Variants in ABCC3 observed in about 807,000 individuals in gnomAD.
ABCC3 encodes the protein ATP binding cassette subfamily C member 3.
A neutral mutation model predicts 165.3 loss-of-function variants in ABCC3; 121 were observed. The ratio of observed to expected loss-of-function variants is 0.73; its 90% CI spans 0.63 to 0.85. ABCC3 has a LOEUF of 0.85. ABCC3 is among the 40% of genes least tolerant of loss of function. The pLI, the probability that ABCC3 is intolerant of heterozygous loss-of-function variation, is 0.00. For synonymous variants in ABCC3, 733 were observed against 810.1 expected, an observed-to-expected ratio of 0.90 and a Z score of 1.62; for missense variants, 1,869 against 1,964.1, an observed-to-expected ratio of 0.95 and a Z score of 0.92.
At position 50,684,036 on chromosome 17, in the gene ABCC3, C is replaced by A. The variant is rs11568588; in HGVS notation, c.4042C>A (p.Arg1348Ser). The change falls in exon 28 of 31, where the codon CGC (arginine) becomes AGC (serine). Residue 1348 changes from arginine to serine, a missense_variant. Transcript: ENST00000285238. ...CCTGGAGGCGGCAAAGGGTGAAATC[C>A]GCATTGATGGCCTCAATGTGGCAGA... Reference protein sequence around the residue: ...RILEAAKGEIRIDGLNVADIG... With the variant: ...RILEAAKGEISIDGLNVADIG... The A allele has an allele frequency of 6.2e-7, 1 of 1,612,608 alleles. No homozygotes were observed. Among genetic ancestry groups the A allele is most frequent in the Non-Finnish European group, 8.5e-7 (1 of 1,179,582 alleles).
intron 1 of ABCC3, among the ~76,000 whole-genome samples, chr17:50,641,066 C>A (rs1007522602): frequency 1.4e-4 from 21 of 152,326 alleles, no homozygotes; most frequent in African/African-American, 4.8e-4. Context: ...CTTGGGAAGT[C>A]CCTGGCAAAG....
chr17:50,650,354 G>A (rs1378620315), intron 1 of ABCC3, among the ~76,000 whole-genome samples: 4 of 152,254 alleles, frequency 2.6e-5, no homozygotes, highest in South Asian at 2.1e-4. Flanking sequence ...TGATCCACCC[G>A]CCTCTGCCTC....
In ABCC3 at chr17:50,655,913, A is replaced by G; in HGVS notation, c.127A>G (p.Ile43Val). 3 of 1,613,990 alleles carry G rather than the reference A, an allele frequency of 1.9e-6. No homozygotes were observed. Among genetic ancestry groups the G allele is most frequent in the Non-Finnish European group, 2.5e-6 (3 of 1,180,010 alleles). ...CTCCCTGCTGGCCTGGGTGCCCTGC[A>G]TCTACCTGTGGGTCGCCCTGCCCTG... is the stretch of plus-strand genomic sequence containing the variant. The part of the protein sequence containing the change: ...QNSLLAWVPC[I>V]YLWVALPCYL... Residue 43 changes from isoleucine to valine, a missense_variant, in exon 2 of 31, where the codon ATC becomes GTC. Transcript: ENST00000285238.
intron 1 of ABCC3, chr17:50,643,663 TG>T (rs1567824437): frequency 2.0e-5 from 9 of 455,786 alleles, no homozygotes; most frequent in Non-Finnish European, 3.1e-5. Context: ...ATGAAGAAGG[TG>T]GGTTTTCAGC....
intron 11 of ABCC3, among the ~76,000 whole-genome samples, chr17:50,667,315 A>T (rs1967544731): frequency 6.6e-6 from 1 of 152,092 alleles, no homozygotes; most frequent in African/African-American, 2.4e-5. Flanking sequence ...CTGCCTGGGG[A>T]GGCCGGTGCA....
chr17:50,667,667 G>A lies in ABCC3; in HGVS notation c.1545G>A (p.Glu515=), dbSNP rs1422559283. The change falls in exon 12 of 31, where the codon GAG becomes GAA. Residue 515 remains glutamate, a synonymous_variant. Coordinates refer to ENST00000285238, the MANE Select transcript of ABCC3 (RefSeq NM_003786.4). ...AGCCCAGCTTCCTGAAGCAGGTGGA[G>A]GGCATCAGGCAGGGTGAGCTCCAGC... The part of the protein sequence containing the change: ...AWEPSFLKQV[E]GIRQGELQLL... 1.5e-5 allele frequency: 24 copies of A among 1,614,064 alleles called. No individual in the cohort carries two copies. Among genetic ancestry groups the A allele is most frequent in the East Asian group, 2.2e-5 (1 of 44,892 alleles).
At chr17:50,689,501 C>A (rs1968081195) in intron 30 of ABCC3, among the ~76,000 whole-genome samples, 1 of 152,200 alleles carries the variant, frequency 6.6e-6, no homozygotes, top group Admixed American at 6.5e-5. Flanking sequence ...GAGGCTCAGA[C>A]AAGTCTTCTT....
intron 1 of ABCC3, chr17:50,643,753 G>T: frequency 2.5e-6 from 1 of 395,126 alleles, no homozygotes; most frequent in Non-Finnish European, 5.2e-6. Flanking sequence ...TTGAGCAAGG[G>T]GGTAGGAGCA....
At chr17:50,663,631 G>A (rs1250119928) in intron 8 of ABCC3, 50 bp from the exon 9 acceptor site, 2 of 1,592,302 alleles carry the variant, frequency 1.3e-6, no homozygotes, top group South Asian at 2.2e-5. Context: ...AGAGGAGGGA[G>A]CAGCCATGGG....
rs11568606 is a variant in ABCC3 at position 50,663,915 on chromosome 17, C to T, written c.1177-35C>T. The T allele has an allele frequency of 2.5e-3, 4,102 of 1,614,144 alleles. 60 individuals carry two copies. The African/African-American group carries it at 0.037, about 14-fold the overall frequency. On this transcript the variant is annotated intron_variant, in intron 9 of 30. Coordinates refer to ENST00000285238, the MANE Select transcript of ABCC3 (RefSeq NM_003786.4). The stretch of plus-strand genomic sequence containing the variant: ...GGCCCTGGGCAGCTTGCAAGAGGCT[C>T]GCAGCCAAGTCCACCCACTACTGTC...
At chr17:50,654,852 G>C (rs559992902) in intron 1 of ABCC3, among the ~76,000 whole-genome samples, 1 of 151,420 alleles carries the variant, frequency 6.6e-6, no homozygotes, top group South Asian at 2.1e-4. Context: ...CAGCACTTTC[G>C]GAGGCCGAGG....
chr17:50,667,604 C>A lies in ABCC3; in HGVS notation c.1482C>A (p.Ile494=). ...KDSRIKLMSE[I]LNGIKVLKLY... ...CGCGCATCAAGCTGATGAGTGAGATCCTGAACGGCATCAAGGTGCTGAAGC... is the reference window on the plus strand; with the variant it reads ...CGCGCATCAAGCTGATGAGTGAGATACTGAACGGCATCAAGGTGCTGAAGC... Residue 494 remains isoleucine, a synonymous_variant, in exon 12 of 31, where the codon ATC becomes ATA. Transcript: ENST00000285238. 6.2e-7 allele frequency: 1 copy of A among 1,614,102 alleles called. No individual in the cohort carries two copies. The highest frequency in any genetic ancestry group is 8.5e-7 in the Non-Finnish European group (1 of 1,179,942).
chr17:50,684,121 A>G lies in ABCC3; in HGVS notation c.4113+14A>G. On this transcript the variant is annotated intron_variant, in intron 28 of 30. Coordinates refer to ENST00000285238, the MANE Select transcript of ABCC3 (RefSeq NM_003786.4). Reference sequence around the variant, plus strand: ...ATCATCCCGCAGGTAGGAGCCTGGCATGGGCTGGCCACACTCACCAACGGC... The same window carrying G: ...ATCATCCCGCAGGTAGGAGCCTGGCGTGGGCTGGCCACACTCACCAACGGC... 1 of 1,611,800 alleles carries G rather than the reference A, an allele frequency of 6.2e-7. No homozygotes were observed. The highest frequency in any genetic ancestry group is 8.5e-7 in the Non-Finnish European group (1 of 1,179,306).
chr17:50,677,123 C>T (rs1184461751), intron 23 of ABCC3, among the ~76,000 whole-genome samples: 1 of 152,226 alleles, frequency 6.6e-6, no homozygotes, highest in Non-Finnish European at 1.5e-5. Context: ...CTCAAGTGAT[C>T]CGCCCACCTC....
chr17:50,650,402 C>G (rs939042293), intron 1 of ABCC3, among the ~76,000 whole-genome samples: 6 of 152,182 alleles, frequency 3.9e-5, no homozygotes, highest in Non-Finnish European at 8.8e-5. Context: ...CCACTGCACC[C>G]GGTCGCTAAC....
chr17:50,660,312 C>T (rs775634551), intron 7 of ABCC3, among the ~76,000 whole-genome samples: 8 of 152,332 alleles, frequency 5.3e-5, no homozygotes, highest in African/African-American at 1.2e-4. Context: ...AGAGAGCTGA[C>T]GCTGAGCATC....
intron 1 of ABCC3, among the ~76,000 whole-genome samples, chr17:50,655,563 T>C (rs1967220937): frequency 6.6e-6 from 1 of 152,108 alleles, no homozygotes; most frequent in Non-Finnish European, 1.5e-5. Context: ...GATTGTACAC[T>C]TTAATTGGGT....
At position 50,634,928 on chromosome 17, in the gene ABCC3, C is replaced by T. The variant is rs2054163726; in HGVS notation, c.-9C>T. 1.6e-6 allele frequency: 2 copies of T among 1,255,970 alleles called. No individual in the cohort carries two copies. Among genetic ancestry groups the T allele is most frequent in the Non-Finnish European group, 2.0e-6 (2 of 998,814 alleles). The allele number at this position is 1,255,970 out of a possible 1,614,324, so 77.8% of individuals were successfully genotyped here. ...GCGCTCGCCTTCCTTGCAGCCGCGC[C>T]TCGGCCCCATGGACGCCCTGTGCGG... On this transcript the variant is annotated 5_prime_UTR_variant, in exon 1 of 31. Coordinates refer to ENST00000285238, the MANE Select transcript of ABCC3 (RefSeq NM_003786.4).
At position 50,658,162 on chromosome 17, in the gene ABCC3, C is replaced by T. The variant is rs1567829169; in HGVS notation, c.567C>T (p.Cys189=). The part of the protein sequence containing the change: ...ALVLSALILA[C]FREKPPFFSA... ...TACTCTCTGCCCTCATCTTGGCCTG[C>T]TTCAGGGAGAAACCTCCATTTTTCT... is the stretch of plus-strand genomic sequence containing the variant. Residue 189 remains cysteine (C), a synonymous_variant, in exon 5 of 31, where the codon TGC becomes TGT. Transcript: ENST00000285238. 15 of 1,614,214 alleles carry T rather than the reference C, an allele frequency of 9.3e-6. No homozygotes were observed. Among genetic ancestry groups the T allele is most frequent in the Non-Finnish European group, 1.2e-5 (14 of 1,180,028 alleles).
Sources: allele counts gnomAD v4.1 joint callset (sites outside exome capture counted in the v4.1 genomes callset), GRCh38; gene constraint gnomAD v4.1.1; transcripts MANE v1.5; gene names NCBI Gene and HGNC (gene_info 2026-07-23, HGNC 2026-07-21).